Variants in KIAA1549L observed in about 807,000 individuals in gnomAD.
The protein encoded by KIAA1549L is UPF0606 protein KIAA1549L.
In KIAA1549L, 88 loss-of-function variants were observed where a neutral mutation model predicts 160.7. The observed-to-expected ratio is 0.55, with a 90% CI of 0.46 to 0.65. KIAA1549L has a LOEUF of 0.65. Among genes scored for constraint, KIAA1549L ranks in the 30% least tolerant of loss-of-function variants. KIAA1549L has a pLI of 0.00. For synonymous variants in KIAA1549L, 950 were observed against 976.7 expected, an observed-to-expected ratio of 0.97 and a Z score of 0.51; for missense variants, 2,258 against 2,437.5, an observed-to-expected ratio of 0.93 and a Z score of 1.55.
chr11:33,454,239 C>A (rs555413190), intron 1 of KIAA1549L, among the ~76,000 whole-genome samples: 99 of 152,176 alleles, frequency 6.5e-4, no homozygotes, highest in Non-Finnish European at 1.2e-3. Flanking sequence ...CTTATTTATA[C>A]CCTATTCCTA....
chr11:33,494,698 T>G (rs1484181874), intron 1 of KIAA1549L, among the ~76,000 whole-genome samples: 1 of 152,182 alleles, frequency 6.6e-6, no homozygotes, highest in Non-Finnish European at 1.5e-5. Flanking sequence ...ATGGAAATTT[T>G]TCCAAAAGCC....
At chr11:33,378,000 C>T (rs1340627579) in intron 1 of KIAA1549L, among the ~76,000 whole-genome samples, 1 of 152,194 alleles carries the variant, frequency 6.6e-6, no homozygotes, top group African/African-American at 2.4e-5. Flanking sequence ...ATAGTGGTTA[C>T]AAAGTTCAGG....
chr11:33,418,069 A>C lies in KIAA1549L; in HGVS notation c.238+41180A>C, dbSNP rs889395461. Among the ~76,000 whole-genome samples, 6 of 152,120 alleles carry C rather than the reference A, an allele frequency of 3.9e-5. No homozygotes were observed. In the East Asian group the frequency reaches 1.2e-3, roughly 29 times the overall value. Reference sequence around the variant, plus strand: ...GCTGGGATTACAGGCGTGAGCCACCACACCTGGTTCCTATCCCTCTTTTTC... The same window carrying C: ...GCTGGGATTACAGGCGTGAGCCACCCCACCTGGTTCCTATCCCTCTTTTTC... On this transcript the variant is annotated intron_variant, in intron 1 of 20. Transcript: ENST00000658780.
rs1352181691 is a variant in KIAA1549L at position 33,638,429 on chromosome 11, A to AT, written c.5410-7257_5410-7256insT. Among the ~76,000 whole-genome samples, 74 of 18,148 alleles carry AT rather than the reference A, an allele frequency of 4.1e-3. 1 individual carries two copies. The highest frequency in any genetic ancestry group is 0.033 in the Middle Eastern group (1 of 30). 11.9% of individuals were successfully genotyped at this position (18,148 alleles called of 152,430 possible). On this transcript the variant is annotated intron_variant, in intron 16 of 20. Transcript: ENST00000658780. Reference sequence around the variant, plus strand: ...TTTATTCTCTAAAATAAATAAAAAAAAAAAAAATAAATAAATAAATAAATA... The same window carrying AT: ...TTTATTCTCTAAAATAAATAAAAAAATAAAAAAATAAATAAATAAATAAATA...
chr11:33,545,506 T>C (rs1422273996), intron 3 of KIAA1549L, 128 bp downstream of exon 3: 1 of 1,165,660 alleles, frequency 8.6e-7, no homozygotes, highest in African/African-American at 1.6e-5. Context: ...GACATTTGGC[T>C]ATGTCTGGAG....
intron 1 of KIAA1549L, among the ~76,000 whole-genome samples, chr11:33,468,758 C>T (rs1025347992): frequency 2.0e-5 from 3 of 152,216 alleles, no homozygotes; most frequent in Non-Finnish European, 4.4e-5. Flanking sequence ...TAATACGGCG[C>T]TCCAGAATCA....
intron 1 of KIAA1549L, among the ~76,000 whole-genome samples, chr11:33,422,763 G>T (rs1565130146): frequency 6.6e-6 from 1 of 151,786 alleles, no homozygotes; most frequent in Non-Finnish European, 1.5e-5. Flanking sequence ...AGATAATGAG[G>T]TATAGTCAGT....
chr11:33,541,589 C>T (rs1290912848), intron 1 of KIAA1549L, among the ~76,000 whole-genome samples: 1 of 152,208 alleles, frequency 6.6e-6, no homozygotes, highest in Non-Finnish European at 1.5e-5. Flanking sequence ...ATCACTTCAT[C>T]AGAAACTGCT....
intron 15 of KIAA1549L, 82 bp downstream of exon 15, chr11:33,610,048 C>T: frequency 4.0e-6 from 4 of 1,007,724 alleles, no homozygotes; most frequent in South Asian, 1.4e-5. Context: ...ATCCTGGTTC[C>T]TTATCTGGTA....
At chr11:33,394,414 TAAATAAAC>T (rs1314899350) in intron 1 of KIAA1549L, among the ~76,000 whole-genome samples, 582 of 25,858 alleles carry the variant, frequency 0.023, 2 homozygotes, top group African/African-American at 0.05. Flanking sequence ...AATAAATAAA[TAAATAAAC>T]AAACAATAAA....
chr11:33,396,083 G>A (rs1017159388), intron 1 of KIAA1549L, among the ~76,000 whole-genome samples: 8 of 152,052 alleles, frequency 5.3e-5, no homozygotes, highest in African/African-American at 1.9e-4. Context: ...CCCTGGTGTT[G>A]TGTCTTTGCT....
At chr11:33,459,631 C>T (rs1209843712) in intron 1 of KIAA1549L, among the ~76,000 whole-genome samples, 1 of 152,100 alleles carries the variant, frequency 6.6e-6, no homozygotes, top group Non-Finnish European at 1.5e-5. Flanking sequence ...CCGTCTGAAC[C>T]ATCCATCAGT....
intron 20 of KIAA1549L, 123 bp from the exon 21 acceptor site, chr11:33,667,750 A>C: frequency 1.2e-6 from 1 of 813,042 alleles, no homozygotes. Context: ...TGTGGCTTCC[A>C]TTTTCTTCTA....
chr11:33,455,362 A>G (rs1237199283), intron 1 of KIAA1549L, among the ~76,000 whole-genome samples: 2 of 152,200 alleles, frequency 1.3e-5, no homozygotes, highest in Non-Finnish European at 2.9e-5. Flanking sequence ...TGGCTACCTT[A>G]TTGGACAGTG....
chr11:33,506,371 T>C lies in KIAA1549L; in HGVS notation c.239-35431T>C, dbSNP rs79284430. Among the ~76,000 whole-genome samples the C allele has an allele frequency of 1.3e-3, 194 of 152,300 alleles. 4 individuals carry two copies. The highest frequency in any genetic ancestry group is 4.5e-3 in the African/African-American group (187 of 41,556). On this transcript the variant is annotated intron_variant, in intron 1 of 20. Coordinates refer to ENST00000658780, the MANE Select transcript of KIAA1549L (RefSeq NM_012194.3). Reference sequence around the variant, plus strand: ...AAGGCGCTCGAGTTAGAAAACCATCTGATATTCTGTAGTACTGATGGTTTG... The same window carrying C: ...AAGGCGCTCGAGTTAGAAAACCATCCGATATTCTGTAGTACTGATGGTTTG...
intron 1 of KIAA1549L, among the ~76,000 whole-genome samples, chr11:33,396,571 G>C (rs1565118832): frequency 6.6e-6 from 1 of 152,130 alleles, no homozygotes; most frequent in Non-Finnish European, 1.5e-5. Flanking sequence ...CTAGGACACA[G>C]CCTAAAGTAG....
chr11:33,642,473 G>C (rs1165128859), intron 16 of KIAA1549L, among the ~76,000 whole-genome samples: 1 of 152,048 alleles, frequency 6.6e-6, no homozygotes, highest in Non-Finnish European at 1.5e-5. Context: ...AGGGGAAGGG[G>C]TTCTCACCCC....
Position 33,517,603 on chromosome 11 carries a change from T to C in KIAA1549L, c.239-24199T>C, listed in dbSNP as rs898612143. On this transcript the variant is annotated intron_variant, in intron 1 of 20. Transcript: ENST00000658780. ...TGAATTAAACTCCTTTATGTCATTA[T>C]TATTAATGTTTAATTCCAATTTCAA... is the stretch of plus-strand genomic sequence containing the variant. Among the ~76,000 whole-genome samples the C allele has an allele frequency of 9.8e-5, 15 of 152,314 alleles. No individual in the cohort carries two copies. In the East Asian group the frequency reaches 2.5e-3, roughly 25 times the overall value.
At chr11:33,641,409 G>A (rs187512498) in intron 16 of KIAA1549L, among the ~76,000 whole-genome samples, 1 of 151,776 alleles carries the variant, frequency 6.6e-6, no homozygotes, top group Admixed American at 6.6e-5. Flanking sequence ...AGATACTGTG[G>A]CACATATATA....
Sources: allele counts gnomAD v4.1 joint callset (sites outside exome capture counted in the v4.1 genomes callset), GRCh38; gene constraint gnomAD v4.1.1; transcripts MANE v1.5; gene names NCBI Gene and HGNC (gene_info 2026-07-23, HGNC 2026-07-21).